GNB1: variants seen among roughly 807,000 people sequenced by gnomAD.
GNB1 encodes guanine nucleotide-binding protein G(I)/G(S)/G(T) subunit beta-1.
Under a neutral mutation model 42.9 loss-of-function variants are expected in GNB1, and 2 were observed. The observed-to-expected ratio is 0.05, with a 90% CI of 0.02 to 0.15. GNB1 has a LOEUF of 0.15. Among genes scored for constraint, GNB1 ranks in the 10% least tolerant of loss-of-function variants. GNB1 has a pLI of 1.00. For synonymous variants in GNB1, 183 were observed against 174.7 expected, an observed-to-expected ratio of 1.05 and a Z score of -0.38; for missense variants, 193 against 462.2, an observed-to-expected ratio of 0.42 and a Z score of 5.34.
intron 7 of GNB1, among the ~76,000 whole-genome samples, chr1:1,803,347 A>C (rs1011117972): frequency 6.6e-6 from 1 of 152,204 alleles, no homozygotes; most frequent in African/African-American, 2.4e-5. Flanking sequence ...CCCAGCCTGG[A>C]GTGCAGTGGT....
At position 1,863,077 on chromosome 1, in the gene GNB1, G is replaced by A. The variant is rs115315519; in HGVS notation, c.-95-23839C>T. Among the ~76,000 whole-genome samples, 781 of 152,258 alleles carry A rather than the reference G, an allele frequency of 5.1e-3. 6 individuals carry two copies. Among genetic ancestry groups the A allele is most frequent in the African/African-American group, 0.017 (717 of 41,532 alleles). On this transcript the variant is annotated intron_variant, in intron 1 of 11. Coordinates refer to ENST00000378609, the MANE Select transcript of GNB1 (RefSeq NM_002074.5). Reference sequence around the variant, plus strand: ...GCACTGTGGACACTGGGGTCATCCCGGGTGGTGCAGGGTGCTGAACAGCAT... The same window carrying A: ...GCACTGTGGACACTGGGGTCATCCCAGGTGGTGCAGGGTGCTGAACAGCAT...
intron 1 of GNB1, among the ~76,000 whole-genome samples, chr1:1,840,218 A>G (rs568789598): frequency 1.8e-4 from 27 of 147,402 alleles, no homozygotes; most frequent in Admixed American, 1.7e-3. Context: ...ATAGAGCAAG[A>G]CACCGTCTCG....
intron 1 of GNB1, among the ~76,000 whole-genome samples, chr1:1,876,528 G>A (rs1014634754): frequency 7.1e-6 from 1 of 141,192 alleles, no homozygotes; most frequent in Admixed American, 6.9e-5. Context: ...AGCGTGCATG[G>A]CCACGTGCAC....
chr1:1,848,570 C>T (rs770396533), intron 1 of GNB1, among the ~76,000 whole-genome samples: 4 of 152,090 alleles, frequency 2.6e-5, no homozygotes, highest in Admixed American at 6.6e-5. Context: ...GATCCACTTC[C>T]ACTCATTAAA....
At chr1:1,794,460 C>T (rs1646521233) in intron 7 of GNB1, among the ~76,000 whole-genome samples, 2 of 152,136 alleles carry the variant, frequency 1.3e-5, no homozygotes, top group Admixed American at 6.6e-5. Context: ...GACAGACTGG[C>T]CCTAATCTGA....
chr1:1,887,175 G>GT (rs1650202200), intron 1 of GNB1, among the ~76,000 whole-genome samples: 1 of 152,230 alleles, frequency 6.6e-6, no homozygotes, highest in African/African-American at 2.4e-5. Context: ...GTCACAGACA[G>GT]TAAGAATGTA....
At chr1:1,830,294 T>G (rs1196514314) in intron 2 of GNB1, among the ~76,000 whole-genome samples, 2 of 151,692 alleles carry the variant, frequency 1.3e-5, no homozygotes, top group Non-Finnish European at 2.9e-5. Context: ...GGAGTCTTGC[T>G]CCGTCGCCCA....
At chr1:1,859,700 A>C in intron 1 of GNB1, among the ~76,000 whole-genome samples, 1 of 93,236 alleles carries the variant, frequency 1.1e-5, no homozygotes, top group South Asian at 4.2e-4. Flanking sequence ...GGGGTGGGGG[A>C]GAGGGGTGGG....
chr1:1,836,372 G>C (rs1485572083), intron 2 of GNB1, among the ~76,000 whole-genome samples: 1 of 132,872 alleles, frequency 7.5e-6, no homozygotes, highest in Admixed American at 7.8e-5. Context: ...TGGGTTACCT[G>C]TTTTCTTAAT....
chr1:1,788,780 G>A (rs1332563251), intron 10 of GNB1: 2 of 404,246 alleles, frequency 4.9e-6, no homozygotes, highest in Admixed American at 6.9e-5. Flanking sequence ...GCACGGGGCT[G>A]GGCCCTGGAG....
chr1:1,809,311 AT>A (rs1646745011), intron 5 of GNB1, among the ~76,000 whole-genome samples: 1 of 151,082 alleles, frequency 6.6e-6, no homozygotes, highest in Non-Finnish European at 1.5e-5. Context: ...ATTAGCTGGA[AT>A]TACAGGTGTG....
intron 1 of GNB1, among the ~76,000 whole-genome samples, chr1:1,879,815 C>T (rs1346385528): frequency 6.6e-6 from 1 of 152,088 alleles, no homozygotes; most frequent in African/African-American, 2.4e-5. Context: ...AGCAATGGAT[C>T]TTCACATCGT....
At chr1:1,863,977 T>C (rs912321604) in intron 1 of GNB1, among the ~76,000 whole-genome samples, 4 of 152,068 alleles carry the variant, frequency 2.6e-5, no homozygotes, top group African/African-American at 7.2e-5. Flanking sequence ...GGCGGGTGGA[T>C]CCAGTTTGGG....
In GNB1 at chr1:1,790,369, G is replaced by A. The variant is rs1012414788; in HGVS notation, c.699+26C>T. ...GGCTAGCAGAGACGGCAGAGGACCC[G>A]ACCCCACACCTCCACCCAGACTCAC... is the stretch of plus-strand genomic sequence containing the variant. On this transcript the variant is annotated intron_variant, in intron 9 of 11. Coordinates refer to ENST00000378609, the MANE Select transcript of GNB1 (RefSeq NM_002074.5). This position sits in a 1 kb window ranked among gnomAD's most constrained non-coding sequence, Gnocchi z 5.4. 1.0e-5 allele frequency: 16 copies of A among 1,550,746 alleles called. No individual in the cohort carries two copies. The highest frequency in any genetic ancestry group is 1.7e-4 in the Middle Eastern group (1 of 5,938).
chr1:1,875,818 T>C (rs1227551239), intron 1 of GNB1, among the ~76,000 whole-genome samples: 2 of 124,326 alleles, frequency 1.6e-5, no homozygotes, highest in Non-Finnish European at 3.3e-5. Flanking sequence ...CTCTAGGAAC[T>C]TTAGCAGGTT....
At chr1:1,820,711 C>G (rs889751113) in intron 3 of GNB1, among the ~76,000 whole-genome samples, 1 of 152,112 alleles carries the variant, frequency 6.6e-6, no homozygotes, top group African/African-American at 2.4e-5. Context: ...CAACTTCCCC[C>G]GGTTAGTGTC....
At chr1:1,863,060 G>A (rs943573799) in intron 1 of GNB1, among the ~76,000 whole-genome samples, 5 of 152,176 alleles carry the variant, frequency 3.3e-5, no homozygotes, top group Non-Finnish European at 5.9e-5. Context: ...CAGCACTGTG[G>A]ACACTGGGGT....
chr1:1,796,357 C>T (rs554363703), intron 7 of GNB1, among the ~76,000 whole-genome samples: 4 of 152,300 alleles, frequency 2.6e-5, no homozygotes, highest in Non-Finnish European at 5.9e-5. Flanking sequence ...CAAGAGGCCA[C>T]GAGTGGTGAA....
intron 1 of GNB1, among the ~76,000 whole-genome samples, chr1:1,881,839 C>G (rs1472840572): frequency 6.6e-6 from 1 of 152,172 alleles, no homozygotes; most frequent in Non-Finnish European, 1.5e-5. Context: ...ACCTGGCACA[C>G]AGTATTGTGC....
Sources: allele counts gnomAD v4.1 joint callset (sites outside exome capture counted in the v4.1 genomes callset), GRCh38; gene constraint gnomAD v4.1.1; non-coding constraint Gnocchi (gnomAD v3.1); transcripts MANE v1.5; gene names NCBI Gene and HGNC (gene_info 2026-07-23, HGNC 2026-07-21).